The following TACC2 variants were observed in gnomAD, a reference collection of about 807,000 sequenced individuals.
The protein encoded by TACC2 is transforming acidic coiled-coil-containing protein 2.
In TACC2, 137 loss-of-function variants were observed where a neutral mutation model predicts 227.3. That is an observed-to-expected ratio of 0.60 (90% CI 0.52 to 0.69). The LOEUF (loss-of-function observed/expected upper bound fraction) is 0.69, where lower values mean the gene tolerates loss of function less well. TACC2 is among the 30% of genes least tolerant of loss of function. The pLI is 0.00. For synonymous variants in TACC2, 1,523 were observed against 1,487.5 expected (o/e 1.02, Z -0.55); for missense variants, 3,470 against 3,694.4 (o/e 0.94, Z 1.57).
At chr10:122,251,209 C>T (rs939449091) in intron 22 of TACC2, among the ~76,000 whole-genome samples, 4 of 152,048 alleles carry the variant, frequency 2.6e-5, no homozygotes, top group African/African-American at 4.8e-5. Flanking sequence ...ATAGGTGTGA[C>T]ATTAATTTAA....
rs1178051017 is a variant in TACC2, at chr10:122,141,240, T to C, written c.5700-2332T>C. ...CCCAGGAGGTGTCTGTGGGGGCCCA[T>C]GTGTTAGCGCTTGGGCTTGGATGGT... On this transcript the variant is annotated intron_variant, in intron 6 of 22. Transcript: ENST00000369005. The surrounding 1 kb of genome is among the most constrained non-coding windows in gnomAD (Gnocchi z 4.3). Among the ~76,000 whole-genome samples, 1 of 151,854 alleles carries C rather than the reference T, an allele frequency of 6.6e-6. No homozygotes were observed. Among genetic ancestry groups the C allele is most frequent in the Non-Finnish European group, 1.5e-5 (1 of 67,956 alleles).
At chr10:122,135,858 G>A (rs144664574) in intron 6 of TACC2, among the ~76,000 whole-genome samples, 68 of 152,288 alleles carry the variant, frequency 4.5e-4, no homozygotes, top group African/African-American at 1.6e-3. Context: ...GTGTCCTTAC[G>A]TGGCATAGTT....
At chr10:122,033,406 T>C (rs1319312422) in intron 2 of TACC2, among the ~76,000 whole-genome samples, 2 of 152,198 alleles carry the variant, frequency 1.3e-5, no homozygotes, top group Non-Finnish European at 2.9e-5. Flanking sequence ...TGTTCTGCAA[T>C]GCTGAATAAG....
At chr10:122,098,385 G>A (rs1046090344) in intron 5 of TACC2, among the ~76,000 whole-genome samples, 1 of 152,166 alleles carries the variant, frequency 6.6e-6, no homozygotes, top group African/African-American at 2.4e-5. Context: ...CGCTGCATAC[G>A]TGTTTGCTAC....
intron 5 of TACC2, among the ~76,000 whole-genome samples, chr10:122,125,371 A>ATAT (rs59209880): frequency 0.3 from 45,565 of 150,648 alleles, 8,100 homozygotes; most frequent in South Asian, 0.42. Context: ...AATTTCTTGT[A>ATAT]TTTTTTTTTA....
chr10:122,037,191 AG>A (rs373522747), intron 2 of TACC2, among the ~76,000 whole-genome samples: 143 of 152,342 alleles, frequency 9.4e-4, no homozygotes, highest in African/African-American at 3.3e-3. Flanking sequence ...CTGTACTTTA[AG>A]ATCAGCAAAG....
In TACC2 at chr10:122,230,348, CAGG is replaced by C. The variant is rs1199981095; in HGVS notation, c.8041_8043del (p.Glu2681del). 12 of 1,613,772 alleles carry C rather than the reference CAGG, an allele frequency of 7.4e-6. No homozygotes were observed. The highest frequency in any genetic ancestry group is 4.5e-5 in the East Asian group (2 of 44,860). On this transcript the variant is annotated splice_acceptor_variant and coding_sequence_variant, in exon 16 of 23. Transcript: ENST00000369005. LOFTEE classifies it high-confidence loss of function. Reference sequence around the variant, plus strand: ...GCGGTTTGCCCACACTCCCTGTGGGCAGGAGGAGTTAGAGTTTGCCATCATGCG... The same window carrying C: ...GCGGTTTGCCCACACTCCCTGTGGGCAGGAGTTAGAGTTTGCCATCATGCG...
At chr10:122,221,309 G>T (rs1053542958) in intron 11 of TACC2, among the ~76,000 whole-genome samples, 2 of 152,214 alleles carry the variant, frequency 1.3e-5, no homozygotes, top group African/African-American at 2.4e-5. Flanking sequence ...CTTAACCCAT[G>T]TAGTCCTTGT....
intron 5 of TACC2, among the ~76,000 whole-genome samples, chr10:122,101,002 G>A (rs1280832249): frequency 1.3e-5 from 2 of 152,122 alleles, no homozygotes; most frequent in African/African-American, 4.8e-5. Context: ...CTCCCCAGGA[G>A]TACCCCTACC....
At chr10:122,197,123 T>G (rs1171587297) in intron 8 of TACC2, among the ~76,000 whole-genome samples, 1 of 151,484 alleles carries the variant, frequency 6.6e-6, no homozygotes, top group Non-Finnish European at 1.5e-5. Context: ...TAGCCAGGCA[T>G]GGTGCCGCAC....
At chr10:122,003,144 A>G (rs1222823875) in intron 1 of TACC2, among the ~76,000 whole-genome samples, 2 of 152,170 alleles carry the variant, frequency 1.3e-5, no homozygotes, top group African/African-American at 4.8e-5. Context: ...CGGAGGTTGC[A>G]GTGAGCCGAG....
At chr10:122,249,688 C>A in intron 22 of TACC2, 24 bp downstream of exon 22, 2 of 1,600,492 alleles carry the variant, frequency 1.2e-6, no homozygotes, top group Non-Finnish European at 8.5e-7. Flanking sequence ...GGTGTGGCCT[C>A]CAGGTGGGCC....
chr10:122,016,081 C>T (rs1487405204), intron 1 of TACC2, among the ~76,000 whole-genome samples: 4 of 150,400 alleles, frequency 2.7e-5, no homozygotes, highest in African/African-American at 4.9e-5. Flanking sequence ...GGCAACATGG[C>T]GAAACCTCAT....
chr10:122,208,307 A>G (rs542743554), intron 8 of TACC2, among the ~76,000 whole-genome samples: 1 of 152,190 alleles, frequency 6.6e-6, no homozygotes, highest in Non-Finnish European at 1.5e-5. Flanking sequence ...TCAAGGGGGA[A>G]ACAAAGCCAA....
chr10:122,086,201 A>C lies in TACC2; in HGVS notation c.3701A>C (p.Asp1234Ala). 1 of 1,613,654 alleles carries C rather than the reference A, an allele frequency of 6.2e-7. No individual in the cohort carries two copies. The highest frequency in any genetic ancestry group is 8.5e-7 in the Non-Finnish European group (1 of 1,179,976). The part of the protein sequence containing the change: ...LSGPPEVAAP[D>A]TPYLHVDSAA... ...GGGCCACCAGAAGTGGCTGCTCCTG[A>C]CACCCCTTACCTGCATGTCGACAGT... Residue 1234 changes from aspartate to alanine, a missense_variant, in exon 4 of 23, where the codon GAC becomes GCC. By Grantham distance (126) the Asp-to-Ala change is moderately radical. Transcript: ENST00000369005.
Position 122,087,785 on chromosome 10 carries a change from C to A in TACC2, c.5285C>A (p.Ala1762Asp), listed in dbSNP as rs1365079685. ...AAGGCTCCGGGGATGGAGGGTACAG[C>A]TGCCCTTCATGGGGACAGCCCAGCC... ...SDKAPGMEGTAALHGDSPARP... is the reference protein window; with the variant it reads ...SDKAPGMEGTDALHGDSPARP... The change falls in exon 4 of 23, where the codon GCT becomes GAT. Residue 1762 changes from alanine to aspartate, a missense_variant. Ala to Asp is a moderately radical substitution (Grantham distance 126). Around this residue, in one of 10 missense-constraint regions of TACC2, gnomAD observed 1,924 missense variants for 1,978.3 expected, o/e 0.97. Transcript: ENST00000369005. 6.3e-7 allele frequency: 1 copy of A among 1,598,100 alleles called. No homozygotes were observed. Among genetic ancestry groups the A allele is most frequent in the Non-Finnish European group, 8.5e-7 (1 of 1,171,620 alleles).
chr10:122,226,618 T>A (rs1415006777), intron 13 of TACC2, 137 bp downstream of exon 13: 3 of 620,216 alleles, frequency 4.8e-6, no homozygotes, highest in Admixed American at 2.9e-5. Context: ...TTTTTTTTTT[T>A]AATAGAGACA....
Position 122,210,822 on chromosome 10 carries a change from C to A in TACC2, c.6397C>A (p.Pro2133Thr). The change falls in exon 9 of 23, where the codon CCT becomes ACT. Residue 2133 changes from proline to threonine, a missense_variant. Around this residue, in one of 10 missense-constraint regions of TACC2, gnomAD observed 593 missense variants for 636.6 expected, o/e 0.93. Coordinates refer to ENST00000369005, the MANE Select transcript of TACC2 (RefSeq NM_206862.4). The surrounding 1 kb of genome is among the most constrained non-coding windows in gnomAD (Gnocchi z 4.6). ...TLKRTKKPRP[P>T]SLKKKQTTKK... ...TAAGCGAACTAAAAAACCGAGGCCG[C>A]CTTCCTTAAAAAAGAAACAGACCAC... The A allele has an allele frequency of 3.7e-6, 6 of 1,611,924 alleles. No individual in the cohort carries two copies. Among genetic ancestry groups the A allele is most frequent in the Non-Finnish European group, 5.1e-6 (6 of 1,179,548 alleles).
intron 15 of TACC2, 94 bp downstream of exon 15, chr10:122,229,580 G>A (rs2095694684): frequency 6.9e-7 from 1 of 1,452,802 alleles, no homozygotes; most frequent in Non-Finnish European, 9.5e-7. Flanking sequence ...AGGATTTGAT[G>A]AGGAACTGCC....
Sources: allele counts gnomAD v4.1 joint callset (sites outside exome capture counted in the v4.1 genomes callset), GRCh38; gene constraint gnomAD v4.1.1; regional missense constraint gnomAD v4.1.1; non-coding constraint Gnocchi (gnomAD v3.1); transcripts MANE v1.5; gene names NCBI Gene and HGNC (gene_info 2026-07-23, HGNC 2026-07-21).